The following MAGI1 variants were observed in gnomAD, a reference collection of about 807,000 sequenced individuals.
MAGI1 encodes the protein membrane-associated guanylate kinase, WW and PDZ domain-containing protein 1.
A neutral mutation model predicts 139.9 loss-of-function variants in MAGI1; 58 were observed. The ratio of observed to expected loss-of-function variants is 0.41; its 90% CI spans 0.34 to 0.52. The LOEUF (loss-of-function observed/expected upper bound fraction) is 0.52. Ranked by LOEUF, MAGI1 falls within the 20% of genes least tolerant of loss-of-function variation. MAGI1 has a pLI of 0.12. For missense variants in MAGI1, 1,874 were observed against 1,901.6 expected (o/e 0.99, Z 0.27); for synonymous variants, 812 against 737.9 (o/e 1.10, Z -1.63).
At chr3:65,434,391 G>C (rs1004144207) in intron 10 of MAGI1, among the ~76,000 whole-genome samples, 1 of 152,144 alleles carries the variant, frequency 6.6e-6, no homozygotes, top group Non-Finnish European at 1.5e-5. Context: ...TGGAGGGGTA[G>C]CTGCAAAAAT....
At chr3:65,774,709 C>A (rs1055384719) in intron 1 of MAGI1, among the ~76,000 whole-genome samples, 2 of 152,070 alleles carry the variant, frequency 1.3e-5, no homozygotes, top group African/African-American at 2.4e-5. Flanking sequence ...TGAACAAGTA[C>A]ATGGAACATA....
At chr3:65,450,397 G>C (rs893631875) in intron 6 of MAGI1, among the ~76,000 whole-genome samples, 2 of 152,210 alleles carry the variant, frequency 1.3e-5, no homozygotes, top group African/African-American at 4.8e-5. Flanking sequence ...ATGGATCCAA[G>C]AGATATTTAG....
intron 1 of MAGI1, among the ~76,000 whole-genome samples, chr3:65,996,555 A>G (rs1178723161): frequency 1.7e-5 from 2 of 118,610 alleles, no homozygotes; most frequent in Non-Finnish European, 3.6e-5. Flanking sequence ...GGGGGGGGGG[A>G]AGCGAGCCCC....
chr3:65,730,259 T>G (rs2034052431), intron 1 of MAGI1, among the ~76,000 whole-genome samples: 1 of 152,164 alleles, frequency 6.6e-6, no homozygotes, highest in Non-Finnish European at 1.5e-5. Context: ...AATCTGGAAG[T>G]GATCCCTGGG....
chr3:65,962,964 A>G (rs896396290), intron 1 of MAGI1, among the ~76,000 whole-genome samples: 23 of 150,796 alleles, frequency 1.5e-4, no homozygotes, highest in Non-Finnish European at 3.0e-5. Context: ...AGTTAAAACA[A>G]GATGAGTTTT....
chr3:65,462,236 GTT>G (rs1949848012), intron 5 of MAGI1, among the ~76,000 whole-genome samples: 1 of 152,158 alleles, frequency 6.6e-6, no homozygotes, highest in Non-Finnish European at 1.5e-5. Context: ...TTCTTCTAGG[GTT>G]TTTATGGTTT....
At position 65,963,753 on chromosome 3, in the gene MAGI1, CACA is replaced by C. The variant is rs113161075; in HGVS notation, c.313+74240_313+74242del. Among the ~76,000 whole-genome samples, 944 of 152,290 alleles carry C rather than the reference CACA, an allele frequency of 6.2e-3. 8 individuals carry two copies. The highest frequency in any genetic ancestry group is 0.031 in the Middle Eastern group (9 of 294). On this transcript the variant is annotated intron_variant, in intron 1 of 22. Transcript: ENST00000402939. ...ACATGCACTATTTTACTTGAAATCG[CACA>C]ACACTCCCAAAACAGGAGAAAAATT...
chr3:65,846,974 T>TAAAAAAAA (rs1300326490), intron 1 of MAGI1, among the ~76,000 whole-genome samples: 1 of 22,320 alleles, frequency 4.5e-5, no homozygotes, highest in Non-Finnish European at 6.4e-5. Context: ...AGCAATGTCT[T>TAAAAAAAA]ACAAAAAAAA....
intron 1 of MAGI1, among the ~76,000 whole-genome samples, chr3:65,980,215 C>G (rs985232199): frequency 6.6e-6 from 1 of 152,202 alleles, no homozygotes; most frequent in African/African-American, 2.4e-5. Context: ...CTTAGCCTCT[C>G]TAAGCCATAC....
In MAGI1 at chr3:65,357,060, C is replaced by G; in HGVS notation, c.3707G>C (p.Arg1236Pro). The G allele has an allele frequency of 6.2e-7, 1 of 1,614,160 alleles. No individual in the cohort carries two copies. The highest frequency in any genetic ancestry group is 8.5e-7 in the Non-Finnish European group (1 of 1,180,032). Residue 1236 changes from arginine (R) to proline (P), a missense_variant, in exon 23 of 23, where the codon CGC (arginine) becomes CCC (proline). Arg to Pro is a moderately radical substitution (Grantham distance 103, BLOSUM62 -2). This residue lies in a region of MAGI1 where 653 missense variants were observed against 644.5 expected (regional missense o/e 1.01). Transcript: ENST00000402939. ...GVPEVRAGPD[R>P]RQHPSLESSY... ...GGACTCCAATGACGGATGCTGCCGG[C>G]GGTCGGGCCCGGCCCTCACTTCCGG...
Position 65,429,974 on chromosome 3 carries a change from G to C in MAGI1, c.1713C>G (p.Thr571=), listed in dbSNP as rs768511167. The part of the protein sequence containing the change: ...DPDDPNTSLV[T]SVAILDKEPI... The stretch of plus-strand genomic sequence containing the variant: ...GTTCTTTATCCAAAATGGCTACCGA[G>C]GTCACTAAACTTGTATTGGGGTCAT... The change falls in exon 12 of 23, where the codon ACC becomes ACG. Residue 571 remains threonine (T), a synonymous_variant. Transcript: ENST00000402939. 2.5e-6 allele frequency: 4 copies of C among 1,613,952 alleles called. No homozygotes were observed. The highest frequency in any genetic ancestry group is 3.3e-5 in the Admixed American group (2 of 59,968).
chr3:65,981,160 A>AAG, intron 1 of MAGI1, among the ~76,000 whole-genome samples: 1 of 151,788 alleles, frequency 6.6e-6, no homozygotes, highest in South Asian at 2.1e-4. Flanking sequence ...TCAAAAAAAA[A>AAG]AAAAAAGAAA....
chr3:65,696,219 C>T (rs2107589336), intron 1 of MAGI1, among the ~76,000 whole-genome samples: 1 of 152,276 alleles, frequency 6.6e-6, no homozygotes, highest in African/African-American at 2.4e-5. Flanking sequence ...CTCACCTTAT[C>T]AAGGAGGCCT....
chr3:65,817,942 C>CTCCT lies in MAGI1; in HGVS notation c.314-195855_314-195854insAGGA, dbSNP rs1177787961. 2.6e-5 allele frequency among the ~76,000 whole-genome samples: 4 copies of CTCCT among 152,140 alleles called. No individual in the cohort carries two copies. The East Asian group carries it at 7.7e-4, about 29-fold the overall frequency. On this transcript the variant is annotated intron_variant, in intron 1 of 22. Transcript: ENST00000402939. ...TGGCTTAAAACAGTCAATTCCAAAG[C>CTCCT]AAGAGACCATGGTAACTAATTGTTC... is the stretch of plus-strand genomic sequence containing the variant.
intron 1 of MAGI1, among the ~76,000 whole-genome samples, chr3:65,950,627 C>T (rs1178459164): frequency 6.6e-6 from 1 of 152,106 alleles, no homozygotes; most frequent in African/African-American, 2.4e-5. Context: ...CCAAAGATTG[C>T]TCAAAGGAAA....
intron 9 of MAGI1, among the ~76,000 whole-genome samples, chr3:65,439,495 T>C (rs958203070): frequency 2.0e-5 from 3 of 152,148 alleles, no homozygotes; most frequent in Non-Finnish European, 2.9e-5. Context: ...CATGTAATGT[T>C]CCTAAAATTA....
At chr3:65,475,048 T>C (rs1950801825) in intron 4 of MAGI1, among the ~76,000 whole-genome samples, 1 of 151,796 alleles carries the variant, frequency 6.6e-6, no homozygotes, top group Admixed American at 6.6e-5. Context: ...TATCACTCTC[T>C]ACCAACAAAA....
At chr3:65,837,268 C>A (rs773498209) in intron 1 of MAGI1, among the ~76,000 whole-genome samples, 1 of 152,216 alleles carries the variant, frequency 6.6e-6, no homozygotes, top group Non-Finnish European at 1.5e-5. Context: ...TGGCGCTGCC[C>A]ACCTCCATCA....
At chr3:65,913,727 T>C (rs2061770956) in intron 1 of MAGI1, among the ~76,000 whole-genome samples, 1 of 152,160 alleles carries the variant, frequency 6.6e-6, no homozygotes, top group South Asian at 2.1e-4. Context: ...AGGCAGGTGT[T>C]CCACAGAAAA....
Sources: gnomAD v4.1 joint callset for allele counts (sites outside exome capture counted in the v4.1 genomes callset) on GRCh38, gnomAD v4.1.1 for gene constraint, gnomAD v4.1.1 regional missense constraint, MANE v1.5 for transcripts, NCBI Gene and HGNC (gene_info 2026-07-23, HGNC 2026-07-21) for gene names.